DLG2: variants seen among roughly 807,000 people sequenced by gnomAD.
DLG2 encodes discs large MAGUK scaffold protein 2, also known as disks large homolog 2.
Under a neutral mutation model 132.5 loss-of-function variants are expected in DLG2, and 45 were observed. The observed-to-expected ratio is 0.34, with a 90% CI of 0.27 to 0.44. The LOEUF (loss-of-function observed/expected upper bound fraction) is 0.44, where lower values mean the gene tolerates loss of function less well. Among genes scored for constraint, DLG2 ranks in the 20% least tolerant of loss-of-function variants. The probability of loss-of-function intolerance (pLI) is 1.00; values close to 1 mark genes in which losing one functional copy is unlikely to be tolerated. For missense variants in DLG2, 1,045 were observed against 1,196.9 expected (o/e 0.87, Z 1.87); for synonymous variants, 424 against 419.6 (o/e 1.01, Z -0.13).
chr11:85,151,137 A>G (rs1304485090), intron 5 of DLG2, among the ~76,000 whole-genome samples: 1 of 152,128 alleles, frequency 6.6e-6, no homozygotes, highest in Non-Finnish European at 1.5e-5. Flanking sequence ...AACATTTTTC[A>G]TAGATGTATT....
At position 84,825,315 on chromosome 11, in the gene DLG2, C is replaced by T. The variant is rs140556083; in HGVS notation, c.357+286346G>A. 3.1e-3 allele frequency among the ~76,000 whole-genome samples: 478 copies of T among 151,886 alleles called. 2 individuals carry two copies. The highest frequency in any genetic ancestry group is 0.011 in the African/African-American group (446 of 41,484). ...GTGAAGGTAGACAGAATTTACTGTC[C>T]TTTCACATTCCTAAGGCCCGAGCTG... On this transcript the variant is annotated intron_variant, in intron 6 of 27. Coordinates refer to ENST00000376104, the MANE Select transcript of DLG2 (RefSeq NM_001142699.3).
chr11:85,561,560 T>C (rs1349982003), intron 3 of DLG2, among the ~76,000 whole-genome samples: 2 of 151,556 alleles, frequency 1.3e-5, no homozygotes, highest in African/African-American at 4.8e-5. Context: ...TCTGAAGTAA[T>C]AGTACAATGA....
intron 3 of DLG2, among the ~76,000 whole-genome samples, chr11:85,301,177 G>C (rs1484911042): frequency 6.6e-6 from 1 of 152,018 alleles, no homozygotes; most frequent in African/African-American, 2.4e-5. Flanking sequence ...CTCCAACCTG[G>C]CTTACAGAAC....
At chr11:85,545,047 A>G (rs972455180) in intron 3 of DLG2, among the ~76,000 whole-genome samples, 4 of 152,220 alleles carry the variant, frequency 2.6e-5, no homozygotes, top group African/African-American at 7.2e-5. Context: ...GTGGTGAAAG[A>G]GGGCATCCTT....
chr11:84,008,289 T>C (rs2094683338), intron 11 of DLG2, among the ~76,000 whole-genome samples: 1 of 151,914 alleles, frequency 6.6e-6, no homozygotes, highest in Admixed American at 6.6e-5. Context: ...TATGCTTAAA[T>C]TGTGAATTCT....
intron 7 of DLG2, among the ~76,000 whole-genome samples, chr11:84,251,623 A>G (rs2097373536): frequency 6.7e-6 from 1 of 149,342 alleles, no homozygotes. Flanking sequence ...TAAGAGTTAA[A>G]ACTTGTATCT....
At chr11:83,597,716 C>T (rs533083071) in intron 19 of DLG2, among the ~76,000 whole-genome samples, 7 of 151,998 alleles carry the variant, frequency 4.6e-5, no homozygotes, top group Middle Eastern at 3.4e-3. Context: ...GCCTTGGAGG[C>T]GGAGGCTGCA....
intron 7 of DLG2, among the ~76,000 whole-genome samples, chr11:84,354,303 G>A (rs1368615439): frequency 5.9e-5 from 9 of 152,082 alleles, no homozygotes. Context: ...TGTTAATTGT[G>A]TGAATTATAA....
intron 21 of DLG2, among the ~76,000 whole-genome samples, chr11:83,502,395 A>G (rs1204793255): frequency 2.0e-5 from 3 of 152,302 alleles, no homozygotes; most frequent in Non-Finnish European, 4.4e-5. Context: ...GATAGCCACA[A>G]TAACTACTGC....
At chr11:84,156,200 C>T (rs1003862600) in intron 9 of DLG2, among the ~76,000 whole-genome samples, 1 of 152,124 alleles carries the variant, frequency 6.6e-6, no homozygotes, top group African/African-American at 2.4e-5. Context: ...AGCCGCTCAG[C>T]CATAGACAAC....
At chr11:85,572,171 G>A (rs546696237) in intron 3 of DLG2, among the ~76,000 whole-genome samples, 2 of 152,190 alleles carry the variant, frequency 1.3e-5, no homozygotes, top group African/African-American at 4.8e-5. Flanking sequence ...TTTTATGGAG[G>A]GGTGAACTTT....
intron 3 of DLG2, among the ~76,000 whole-genome samples, chr11:85,357,960 T>A (rs1295729061): frequency 6.6e-6 from 1 of 151,624 alleles, no homozygotes; most frequent in Non-Finnish European, 1.5e-5. Context: ...ATTCTACCTA[T>A]GTTCTGAGCT....
chr11:84,018,106 T>A (rs2154073620), intron 11 of DLG2, among the ~76,000 whole-genome samples: 1 of 152,036 alleles, frequency 6.6e-6, no homozygotes, highest in East Asian at 1.9e-4. Context: ...CTTGAGAAAA[T>A]TTTAGCTAAT....
chr11:84,536,910 G>C (rs952982023), intron 6 of DLG2, among the ~76,000 whole-genome samples: 2 of 152,170 alleles, frequency 1.3e-5, no homozygotes, highest in African/African-American at 2.4e-5. Context: ...CAGCCTCTGA[G>C]CTGGCTAGCC....
chr11:84,130,428 G>C (rs547707403), intron 9 of DLG2, among the ~76,000 whole-genome samples: 3 of 150,896 alleles, frequency 2.0e-5, no homozygotes, highest in Admixed American at 2.0e-4. Flanking sequence ...TGGCTACACA[G>C]GGTGATCTGT....
At chr11:84,905,532 A>C (rs2091405181) in intron 6 of DLG2, among the ~76,000 whole-genome samples, 1 of 152,190 alleles carries the variant, frequency 6.6e-6, no homozygotes, top group Non-Finnish European at 1.5e-5. Flanking sequence ...AAACAGACAC[A>C]GATAACCACA....
intron 9 of DLG2, among the ~76,000 whole-genome samples, chr11:84,117,288 C>A (rs1368446935): frequency 6.6e-6 from 1 of 152,100 alleles, no homozygotes; most frequent in Non-Finnish European, 1.5e-5. Context: ...TTAGCCTAAC[C>A]CTCTGGTTGT....
At chr11:84,963,056 A>G (rs1384319125) in intron 6 of DLG2, among the ~76,000 whole-genome samples, 1 of 152,204 alleles carries the variant, frequency 6.6e-6, no homozygotes, top group East Asian at 1.9e-4. Flanking sequence ...ATAACTTGCC[A>G]CAAGACTCTA....
chr11:83,834,480 T>G (rs2055523287), intron 16 of DLG2, among the ~76,000 whole-genome samples: 1 of 152,006 alleles, frequency 6.6e-6, no homozygotes, highest in African/African-American at 2.4e-5. Flanking sequence ...GGTCCAGAGA[T>G]GACTCAGACA....
Sources: allele counts gnomAD v4.1 joint callset (sites outside exome capture counted in the v4.1 genomes callset), GRCh38; gene constraint gnomAD v4.1.1; transcripts MANE v1.5; gene names NCBI Gene and HGNC (gene_info 2026-07-23, HGNC 2026-07-21).